Variants in ALPK3 observed in about 807,000 individuals in gnomAD.
ALPK3 encodes the protein alpha-protein kinase 3.
A neutral mutation model predicts 140.0 loss-of-function variants in ALPK3; 102 were observed. The ratio of observed to expected loss-of-function variants is 0.73; its 90% confidence interval spans 0.62 to 0.86. The LOEUF (loss-of-function observed/expected upper bound fraction) is 0.86. Among genes scored for constraint, ALPK3 ranks in the 40% least tolerant of loss-of-function variants. ALPK3 has a pLI of 0.00. For synonymous variants in ALPK3, 938 were observed against 898.5 expected (o/e 1.04, Z -0.79); for missense variants, 2,254 against 2,208.2 (o/e 1.02, Z -0.42).
rs1050289656 is a variant in ALPK3, at chr15:84,849,094, A to T, written c.1654-7298A>T. On this transcript the variant is annotated intron_variant, in intron 5 of 13. Coordinates refer to ENST00000258888, the MANE Select transcript of ALPK3 (RefSeq NM_020778.5). ...GAGGTGGAGGTTGCGTTGAGTCGAGATCACGCCATTGCACTCCAGCCTGGG... is the reference window on the plus strand; with the variant it reads ...GAGGTGGAGGTTGCGTTGAGTCGAGTTCACGCCATTGCACTCCAGCCTGGG... Among the ~76,000 whole-genome samples the T allele has an allele frequency of 2.6e-5, 4 of 152,066 alleles. No individual in the cohort carries two copies. The South Asian group carries it at 8.3e-4, about 32-fold the overall frequency.
chr15:84,836,260 G>C (rs572016338), intron 3 of ALPK3, among the ~76,000 whole-genome samples: 86 of 152,308 alleles, frequency 5.6e-4, no homozygotes, highest in Non-Finnish European at 1.0e-4. Context: ...ACAGGGCCCA[G>C]ATCATGAGGG....
chr15:84,831,302 A>C (rs1963543284), intron 3 of ALPK3, among the ~76,000 whole-genome samples: 1 of 152,140 alleles, frequency 6.6e-6, no homozygotes, highest in African/African-American at 2.4e-5. Context: ...GAGAGCCTTT[A>C]GTTCTGGGAA....
At position 84,817,603 on chromosome 15, in the gene ALPK3, G is replaced by A; in HGVS notation, c.143+8G>A. ...CGTGCGGCCCGAGACCAGGTAAGTG[G>A]CACCAAGGGGCAGGGCGGCGTCGGG... On this transcript the variant is annotated splice_region_variant and intron_variant, in intron 1 of 13. Coordinates refer to ENST00000258888, the MANE Select transcript of ALPK3 (RefSeq NM_020778.5). The A allele has an allele frequency of 1.3e-6, 2 of 1,492,432 alleles. No individual in the cohort carries two copies. The highest frequency in any genetic ancestry group is 1.8e-6 in the Non-Finnish European group (2 of 1,126,420). The allele number at this position is 1,492,432 out of a possible 1,614,324, so 92.4% of individuals were successfully genotyped here.
Position 84,839,888 on chromosome 15 carries a change from G to A in ALPK3, c.609G>A (p.Glu203=), listed in dbSNP as rs752434180. 1.2e-6 allele frequency: 2 copies of A among 1,614,004 alleles called. No homozygotes were observed. The highest frequency in any genetic ancestry group is 4.5e-5 in the East Asian group (2 of 44,866). The change falls in exon 5 of 14, where the codon GAG becomes GAA. Residue 203 remains glutamate (E), a synonymous_variant. Coordinates refer to ENST00000258888, the MANE Select transcript of ALPK3 (RefSeq NM_020778.5). ...AGATCGAGCAGAGCTGGAAGCACGA[G>A]AAGGCGGTGCCTGGGGAGGTCGACA... ...LREIEQSWKH[E]KAVPGEVDTL...
intron 5 of ALPK3, among the ~76,000 whole-genome samples, chr15:84,845,857 G>A (rs1357712684): frequency 6.6e-6 from 1 of 152,138 alleles, no homozygotes; most frequent in African/African-American, 2.4e-5. Context: ...TCAGGAGTTC[G>A]AGACCAGCGT....
chr15:84,855,372 TCTG>T (rs1303426587), intron 5 of ALPK3, among the ~76,000 whole-genome samples: 2 of 152,212 alleles, frequency 1.3e-5, no homozygotes, highest in African/African-American at 2.4e-5. Flanking sequence ...AGTGTCTGCA[TCTG>T]TTGGCTTTTG....
At chr15:84,862,492 T>G (rs1963958335) in intron 9 of ALPK3, 143 bp from the exon 10 acceptor site, 8 of 966,862 alleles carry the variant, frequency 8.3e-6, no homozygotes, top group African/African-American at 1.6e-5. Flanking sequence ...GGACTTAATG[T>G]GCCCAAAGAG....
At chr15:84,859,941 T>TGGCTC (rs748049686) in intron 8 of ALPK3, 38 bp downstream of exon 8, 59 of 1,613,748 alleles carry the variant, frequency 3.7e-5, no homozygotes, top group Non-Finnish European at 4.9e-5. Context: ...CAGCCTGGCC[T>TGGCTC]GGCTCCTGGT....
At chr15:84,836,363 G>T (rs1014035025) in intron 3 of ALPK3, among the ~76,000 whole-genome samples, 8 of 152,226 alleles carry the variant, frequency 5.3e-5, no homozygotes, top group Non-Finnish European at 1.2e-4. Flanking sequence ...TTTCTGCTGA[G>T]AATGGGCTGA....
chr15:84,836,725 G>A (rs968894297), intron 3 of ALPK3, among the ~76,000 whole-genome samples: 9 of 152,196 alleles, frequency 5.9e-5, no homozygotes, highest in African/African-American at 2.4e-5. Flanking sequence ...CAGAAATAAC[G>A]TCCAGGGTAG....
At position 84,856,976 on chromosome 15, in the gene ALPK3, T is replaced by A. The variant is rs747310681; in HGVS notation, c.2238T>A (p.Gly746=). The part of the protein sequence containing the change: ...SRTPKLPPTA[G]PRAPLNIECF... Reference sequence around the variant, plus strand: ...CCCCCAAACTCCCACCTACAGCGGGTCCTAGAGCTCCTCTGAATATTGAAT... The same window carrying A: ...CCCCCAAACTCCCACCTACAGCGGGACCTAGAGCTCCTCTGAATATTGAAT... Residue 746 remains glycine (G), a synonymous_variant, in exon 6 of 14, where the codon GGT becomes GGA. Transcript: ENST00000258888. 18 of 1,613,866 alleles carry A rather than the reference T, an allele frequency of 1.1e-5. No homozygotes were observed. The highest frequency in any genetic ancestry group is 1.5e-5 in the Non-Finnish European group (18 of 1,179,992).
intron 4 of ALPK3, 117 bp downstream of exon 4, chr15:84,839,214 G>A (rs1043516904): frequency 2.3e-6 from 2 of 876,770 alleles, no homozygotes; most frequent in Non-Finnish European, 3.5e-6. Context: ...TCTGGGGATG[G>A]AGGGCAGGAT....
intron 3 of ALPK3, among the ~76,000 whole-genome samples, chr15:84,828,985 G>T (rs1264089250): frequency 6.6e-6 from 1 of 152,088 alleles, no homozygotes; most frequent in Non-Finnish European, 1.5e-5. Flanking sequence ...TCTCTATTTA[G>T]AAAGTCCTTA....
chr15:84,866,481 T>A (rs1054507867), intron 12 of ALPK3, among the ~76,000 whole-genome samples: 2 of 152,244 alleles, frequency 1.3e-5, no homozygotes, highest in African/African-American at 4.8e-5. Flanking sequence ...GTCTATCATA[T>A]GATGGTACTC....
rs1258764338 is a variant in ALPK3, at chr15:84,871,699, C to G, written c.*3243C>G. Reference sequence around the variant, plus strand: ...GACCCAGCCTCTCGGGGTGTTGTTTCTGGTGCCATAGTTGAATTTTCAACA... The same window carrying G: ...GACCCAGCCTCTCGGGGTGTTGTTTGTGGTGCCATAGTTGAATTTTCAACA... On this transcript the variant is annotated 3_prime_UTR_variant, in exon 14 of 14. Transcript: ENST00000258888. The G allele has an allele frequency of 6.6e-6, 1 of 152,244 alleles. No homozygotes were observed. The highest frequency in any genetic ancestry group is 1.5e-5 in the Non-Finnish European group (1 of 68,054). 9.4% of individuals were successfully genotyped at this position (152,244 alleles called of 1,614,324 possible). A position where few individuals can be genotyped will look rare whatever the true frequency, so the allele number is the denominator to read the frequency against.
intron 3 of ALPK3, among the ~76,000 whole-genome samples, chr15:84,838,084 C>T (rs776071067): frequency 1.3e-5 from 2 of 152,170 alleles, no homozygotes; most frequent in Non-Finnish European, 2.9e-5. Context: ...GCTGGGCAGA[C>T]ACCTCAGTCG....
chr15:84,858,963 G>T (rs1225753804), intron 6 of ALPK3, among the ~76,000 whole-genome samples: 1 of 152,184 alleles, frequency 6.6e-6, no homozygotes, highest in Non-Finnish European at 1.5e-5. Context: ...GCAAACTGAA[G>T]TTCCTGTCTC....
rs138584413 is a variant in ALPK3, at chr15:84,860,469, C to T, written c.4129+397C>T. On this transcript the variant is annotated intron_variant, in intron 9 of 13. Transcript: ENST00000258888. ...TTCCTGGTCCCTGCTGCACTGCAGA[C>T]ATCTTTAATGACCTAGGAGGGACCT... Among the ~76,000 whole-genome samples, 209 of 152,250 alleles carry T rather than the reference C, an allele frequency of 1.4e-3. 1 individual carries two copies. Among genetic ancestry groups the T allele is most frequent in the African/African-American group, 4.8e-3 (198 of 41,540 alleles).
intron 5 of ALPK3, among the ~76,000 whole-genome samples, chr15:84,853,512 G>T (rs1362244339): frequency 6.6e-6 from 1 of 152,150 alleles, no homozygotes; most frequent in Non-Finnish European, 1.5e-5. Context: ...TACTCGGGAG[G>T]CTAAGGCAGG....
Sources: gnomAD v4.1 joint callset for allele counts (sites outside exome capture counted in the v4.1 genomes callset) on GRCh38, gnomAD v4.1.1 for gene constraint, MANE v1.5 for transcripts, NCBI Gene and HGNC (gene_info 2026-07-23, HGNC 2026-07-21) for gene names.